The following ANK2 variants were observed in gnomAD, a reference collection of about 807,000 sequenced individuals.
ANK2 encodes ankyrin 2.
In ANK2, 83 loss-of-function variants were observed where a neutral mutation model predicts 360.5. The observed-to-expected ratio is 0.23, with a 90% CI of 0.19 to 0.28. ANK2 has a LOEUF of 0.28. ANK2 is among the 10% of genes least tolerant of loss of function. The probability of loss-of-function intolerance (pLI) is 1.00; values close to 1 mark genes in which losing one functional copy is unlikely to be tolerated. For missense variants in ANK2, 4,201 were observed against 4,795.7 expected, an observed-to-expected ratio of 0.88 and a Z score of 3.66; for synonymous variants, 1,740 against 1,759.5, an observed-to-expected ratio of 0.99 and a Z score of 0.28.
At chr4:113,329,455 A>AT (rs1248036409) in intron 26 of ANK2, among the ~76,000 whole-genome samples, 3 of 152,204 alleles carry the variant, frequency 2.0e-5, no homozygotes, top group African/African-American at 7.2e-5. Flanking sequence ...ATTAGCTATA[A>AT]TTTTTTACAT....
chr4:112,963,530 C>T (rs542807067), intron 2 of ANK2, among the ~76,000 whole-genome samples: 2 of 152,142 alleles, frequency 1.3e-5, no homozygotes, highest in East Asian at 3.9e-4. Context: ...ATCCATGGAC[C>T]ACAGTAGAGT....
chr4:113,016,161 A>T (rs1229618418), intron 2 of ANK2, among the ~76,000 whole-genome samples: 1 of 152,052 alleles, frequency 6.6e-6, no homozygotes, highest in Non-Finnish European at 1.5e-5. Flanking sequence ...AAGTGTTGGG[A>T]TTACAGACAT....
chr4:112,821,446 C>T (rs947536269), intron 1 of ANK2, among the ~76,000 whole-genome samples: 1 of 152,002 alleles, frequency 6.6e-6, no homozygotes, highest in Non-Finnish European at 1.5e-5. Flanking sequence ...ATCTCAAATA[C>T]CTGATTGTTA....
intron 2 of ANK2, among the ~76,000 whole-genome samples, chr4:112,931,411 C>T (rs2093211019): frequency 6.8e-6 from 1 of 146,684 alleles, no homozygotes; most frequent in Non-Finnish European, 1.5e-5. Context: ...TTTTACGTAC[C>T]TTTCAAAGAT....
At chr4:112,822,029 A>G (rs1407204362) in intron 1 of ANK2, among the ~76,000 whole-genome samples, 1 of 152,056 alleles carries the variant, frequency 6.6e-6, no homozygotes, top group Non-Finnish European at 1.5e-5. Flanking sequence ...CAGCCTCCCA[A>G]AGAGCTGGGA....
At chr4:113,261,253 G>A (rs866034905) in intron 13 of ANK2, among the ~76,000 whole-genome samples, 20 of 151,970 alleles carry the variant, frequency 1.3e-4, no homozygotes, top group South Asian at 1.2e-3. Flanking sequence ...TTAGAATGCC[G>A]AACTGCCAAT....
intron 2 of ANK2, among the ~76,000 whole-genome samples, chr4:113,180,978 G>A: frequency 6.6e-6 from 1 of 152,186 alleles, no homozygotes; most frequent in East Asian, 1.9e-4. Context: ...ATACTGGGTA[G>A]TGCTGATTCA....
chr4:113,249,573 C>G (rs531854697), intron 9 of ANK2, among the ~76,000 whole-genome samples, 191 bp from the exon 10 acceptor site: 2 of 152,194 alleles, frequency 1.3e-5, no homozygotes, highest in African/African-American at 4.8e-5. Context: ...TTCTTGTTCT[C>G]TGTGAAGATG....
intron 1 of ANK2, among the ~76,000 whole-genome samples, chr4:112,878,647 T>G (rs1580344090): frequency 6.6e-6 from 1 of 151,954 alleles, no homozygotes; most frequent in South Asian, 2.1e-4. Flanking sequence ...TAATTTTTTG[T>G]TTTTTAGACG....
At chr4:112,816,243 G>A (rs2149483973), upstream of ANK2, among the ~76,000 whole-genome samples, 1 of 152,300 alleles carries the variant, frequency 6.6e-6, no homozygotes, top group South Asian at 2.1e-4. Flanking sequence ...TGGTGTCAGA[G>A]ATGTTCTGTT....
the ANK2 span, among the ~76,000 whole-genome samples, chr4:112,792,033 C>CTTTTT: frequency 6.5e-3 from 431 of 65,944 alleles, 1 homozygote; most frequent in Non-Finnish European, 7.1e-3. Context: ...CACATCCTTT[C>CTTTTT]TTTTTTTTTT....
intron 1 of ANK2, among the ~76,000 whole-genome samples, chr4:112,831,192 G>A (rs1375940252): frequency 2.0e-5 from 3 of 152,260 alleles, no homozygotes; most frequent in African/African-American, 4.8e-5. Flanking sequence ...AGGAGTGCGG[G>A]CACGCGGCGT....
chr4:113,371,326 C>A (rs1255975413), intron 43 of ANK2, among the ~76,000 whole-genome samples: 1 of 152,124 alleles, frequency 6.6e-6, no homozygotes, highest in Non-Finnish European at 1.5e-5. Flanking sequence ...AAATTCATGC[C>A]ATGAATGAAT....
chr4:113,274,141 C>T (rs2059436311), intron 14 of ANK2, among the ~76,000 whole-genome samples: 1 of 152,012 alleles, frequency 6.6e-6, no homozygotes. Flanking sequence ...ATTCTTATTC[C>T]AAACCATCAG....
At chr4:113,251,520 T>C (rs2046382718) in intron 10 of ANK2, among the ~76,000 whole-genome samples, 1 of 146,542 alleles carries the variant, frequency 6.8e-6, no homozygotes, top group South Asian at 2.2e-4. Context: ...TCTCGCTCTG[T>C]CGCCCAGGCT....
At chr4:112,935,410 A>G (rs2093645327) in intron 2 of ANK2, among the ~76,000 whole-genome samples, 1 of 152,198 alleles carries the variant, frequency 6.6e-6, no homozygotes, top group Non-Finnish European at 1.5e-5. Context: ...GGGCAGGCAT[A>G]GTGCCTAATT....
chr4:113,373,364 A>C lies in ANK2; in HGVS notation c.11774A>C (p.Gln3925Pro), dbSNP rs2154074804. The C allele has an allele frequency of 6.2e-7, 1 of 1,614,206 alleles. No homozygotes were observed. The highest frequency in any genetic ancestry group is 1.3e-5 in the African/African-American group (1 of 75,064). ...GAGATTATGGTGCAGGGAATGCCAC[A>C]GGAACCTGTCAACATCGAGGAAGGG... Reference protein sequence around the residue: ...KEEIMVQGMPQEPVNIEEGDG... With the variant: ...KEEIMVQGMPPEPVNIEEGDG... Residue 3925 changes from glutamine to proline, a missense_variant, in exon 45 of 46, where the codon CAG becomes CCG. Gln to Pro is a moderately conservative substitution (Grantham distance 76, BLOSUM62 -1). Coordinates refer to ENST00000357077, the MANE Select transcript of ANK2 (RefSeq NM_001148.6).
At chr4:112,720,086 C>G in the ANK2 span, among the ~76,000 whole-genome samples, 1 of 152,048 alleles carries the variant, frequency 6.6e-6, no homozygotes, top group African/African-American at 2.4e-5. Context: ...TCCTCTATCA[C>G]TTCCTCTTCC....
chr4:112,775,515 T>TCACACACACA, the ANK2 span, among the ~76,000 whole-genome samples: 8,169 of 117,986 alleles, frequency 0.069, 358 homozygotes, highest in Middle Eastern at 0.17. Context: ...CTAAGCTCCA[T>TCACACACACA]CACACACACA....
Sources: allele counts gnomAD v4.1 joint callset (sites outside exome capture counted in the v4.1 genomes callset), GRCh38; gene constraint gnomAD v4.1.1; transcripts MANE v1.5; gene names NCBI Gene and HGNC (gene_info 2026-07-23, HGNC 2026-07-21).